Variants in ADCY9 observed in about 807,000 individuals in gnomAD.
The protein encoded by ADCY9 is adenylate cyclase type 9.
Under a neutral mutation model 101.5 loss-of-function variants are expected in ADCY9, and 50 were observed. That is an observed-to-expected ratio of 0.49 (90% confidence interval 0.39 to 0.62). The LOEUF is 0.62. Ranked by LOEUF, ADCY9 falls within the 20% of genes least tolerant of loss-of-function variation. The pLI, the probability that ADCY9 is intolerant of heterozygous loss-of-function variation, is 0.00. For synonymous variants in ADCY9, 905 were observed against 769.3 expected (o/e 1.18, Z -2.92); for missense variants, 1,662 against 1,800.4 (o/e 0.92, Z 1.39).
At chr16:4,066,629 C>T (rs563167619) in intron 2 of ADCY9, among the ~76,000 whole-genome samples, 2 of 152,182 alleles carry the variant, frequency 1.3e-5, no homozygotes, top group South Asian at 4.1e-4. Flanking sequence ...AGGTGATCCT[C>T]CCGCCTCAGC....
At chr16:3,981,913 C>G (rs1019758436) in intron 7 of ADCY9, 5 of 152,320 alleles carry the variant, frequency 3.3e-5, no homozygotes, top group East Asian at 1.9e-4. Context: ...TAAAGCTGAT[C>G]TTTTTAAAGA....
chr16:3,974,620 T>TA, intron 10 of ADCY9, 49 bp downstream of exon 10: 1 of 1,522,230 alleles, frequency 6.6e-7, no homozygotes, highest in Non-Finnish European at 9.1e-7. Flanking sequence ...GGCAGGGTAA[T>TA]ACAGTCACTC....
rs1400222331 is a variant in ADCY9 at position 4,114,743 on chromosome 16, G to A, written c.700C>T (p.Leu234Phe). Residue 234 changes from leucine (L) to phenylalanine (F), a missense_variant, in exon 2 of 11, where the codon CTC (leucine) becomes TTC (phenylalanine). Coordinates refer to ENST00000294016, the MANE Select transcript of ADCY9 (RefSeq NM_001116.4). The surrounding 1 kb of genome is among the most constrained non-coding windows in gnomAD (Gnocchi z 4.3). ...AAAGGTAAGTGCATGACGGTATAGA[G>A]CAAAAAGAGCACTTCGATGCACATG... ...FSMCIEVLFLLYTVMHLPLYL... is the reference protein window; with the variant it reads ...FSMCIEVLFLFYTVMHLPLYL... 6.2e-7 allele frequency: 1 copy of A among 1,613,160 alleles called. No individual in the cohort carries two copies. Among genetic ancestry groups the A allele is most frequent in the Non-Finnish European group, 8.5e-7 (1 of 1,180,034 alleles).
At chr16:3,961,294 C>T (rs1299031413), downstream of ADCY9, among the ~76,000 whole-genome samples, 3 of 151,816 alleles carry the variant, frequency 2.0e-5, no homozygotes, top group Admixed American at 6.6e-5. Flanking sequence ...CAAAAAAATA[C>T]AAAAATTAGC....
intron 2 of ADCY9, among the ~76,000 whole-genome samples, chr16:4,026,364 CAGTG>C (rs2056515011): frequency 1.4e-5 from 2 of 139,974 alleles, no homozygotes; most frequent in South Asian, 4.4e-4. Flanking sequence ...GCGGACATTG[CAGTG>C]AGCTGAGATC....
chr16:4,053,052 C>T (rs964003615), intron 2 of ADCY9, among the ~76,000 whole-genome samples: 1 of 152,156 alleles, frequency 6.6e-6, no homozygotes, highest in South Asian at 2.1e-4. Context: ...ACATGCGTGG[C>T]ATAGTTTTAA....
At position 4,097,553 on chromosome 16, in the gene ADCY9, A is replaced by ATATATAT. The variant is rs1382458827; in HGVS notation, c.1693+16196_1693+16197insATATATA. Among the ~76,000 whole-genome samples the ATATATAT allele has an allele frequency of 2.8e-4, 15 of 53,404 alleles. 1 individual carries two copies. Among genetic ancestry groups the ATATATAT allele is most frequent in the African/African-American group, 9.5e-4 (11 of 11,588 alleles). The allele number at this position is 53,404 out of a possible 152,430, so 35.0% of individuals were successfully genotyped here. A position where few individuals can be genotyped will look rare whatever the true frequency, so the allele number is the denominator to read the frequency against. ...CATATATATATATATATATATATAT[A>ATATATAT]TTTTTTTTTTTTTTTTTTAAGACAG... On this transcript the variant is annotated intron_variant, in intron 2 of 10. Coordinates refer to ENST00000294016, the MANE Select transcript of ADCY9 (RefSeq NM_001116.4).
chr16:3,989,659 G>A (rs564718488), intron 5 of ADCY9, among the ~76,000 whole-genome samples: 6 of 152,324 alleles, frequency 3.9e-5, no homozygotes, highest in Admixed American at 1.3e-4. Flanking sequence ...GGATGACAGC[G>A]TGAGCTGCTG....
chr16:4,004,964 G>A (rs1422665017), intron 3 of ADCY9, among the ~76,000 whole-genome samples: 1 of 152,114 alleles, frequency 6.6e-6, no homozygotes, highest in Non-Finnish European at 1.5e-5. Context: ...TTTCTCTAAT[G>A]TATTGGTCCT....
At chr16:4,097,292 C>T (rs1320240887) in intron 2 of ADCY9, among the ~76,000 whole-genome samples, 1 of 151,592 alleles carries the variant, frequency 6.6e-6, no homozygotes, top group Non-Finnish European at 1.5e-5. Context: ...TCGGCCACCA[C>T]CTTTGCTAGA....
intron 3 of ADCY9, among the ~76,000 whole-genome samples, chr16:4,003,563 C>CTTTTTTTTTTTT (rs34344577): frequency 8.0e-6 from 1 of 124,488 alleles, no homozygotes; most frequent in Non-Finnish European, 1.7e-5. Flanking sequence ...TCTTTCTTTT[C>CTTTTTTTTTTTT]TTTTTTTTTT....
intron 2 of ADCY9, among the ~76,000 whole-genome samples, chr16:4,101,007 C>T (rs76208918): frequency 0.014 from 2,174 of 152,332 alleles, 25 homozygotes; most frequent in Non-Finnish European, 0.022. Context: ...TAGCTCTTCT[C>T]TACTGACAGG....
At chr16:4,052,860 C>T (rs575555384) in intron 2 of ADCY9, among the ~76,000 whole-genome samples, 27 of 152,318 alleles carry the variant, frequency 1.8e-4, no homozygotes, top group Admixed American at 1.2e-3. Flanking sequence ...CCGTTTCAGC[C>T]GAACGCATCT....
intron 2 of ADCY9, among the ~76,000 whole-genome samples, chr16:4,111,036 G>C (rs2057110615): frequency 1.3e-5 from 2 of 152,186 alleles, no homozygotes; most frequent in African/African-American, 4.8e-5. Context: ...TCAGTGCCAG[G>C]GGCACGACAC....
intron 2 of ADCY9, among the ~76,000 whole-genome samples, chr16:4,050,901 G>A (rs1224378783): frequency 6.6e-6 from 1 of 151,954 alleles, no homozygotes. Flanking sequence ...GAAAGTTCCG[G>A]GTGAGCCTAG....
chr16:4,113,763 A>T lies in ADCY9; in HGVS notation c.1680T>A (p.Ala560=), dbSNP rs755010198. 5 of 1,612,590 alleles carry T rather than the reference A, an allele frequency of 3.1e-6. No homozygotes were observed. In the South Asian group the frequency reaches 4.4e-5, roughly 14 times the overall value. Residue 560 remains alanine (A), a synonymous_variant, in exon 2 of 11, where the codon GCT becomes GCA. Coordinates refer to ENST00000294016, the MANE Select transcript of ADCY9 (RefSeq NM_001116.4). ...VIERLGQSVV[A]DQLKGLKTYL... ...CAGTGCACATACCTTTCAACTGGTC[A>T]GCAACCACGCTCTGGCCCAGCCGTT...
Position 4,097,363 on chromosome 16 carries a change from G to A in ADCY9, c.1693+16387C>T, listed in dbSNP as rs529826250. Among the ~76,000 whole-genome samples the A allele has an allele frequency of 1.1e-4, 16 of 150,296 alleles. No homozygotes were observed. In the East Asian group the frequency reaches 2.9e-3, roughly 28 times the overall value. Reference sequence around the variant, plus strand: ...ACCACTCAGTCATTCCAGCAAAGCGGTTACTGCCTTTCCTCTACCTGGAGG... The same window carrying A: ...ACCACTCAGTCATTCCAGCAAAGCGATTACTGCCTTTCCTCTACCTGGAGG... On this transcript the variant is annotated intron_variant, in intron 2 of 10. Coordinates refer to ENST00000294016, the MANE Select transcript of ADCY9 (RefSeq NM_001116.4).
chr16:4,006,791 T>A (rs990767739), intron 3 of ADCY9, among the ~76,000 whole-genome samples: 7 of 152,184 alleles, frequency 4.6e-5, no homozygotes, highest in African/African-American at 1.7e-4. Flanking sequence ...CCCTGGTAGT[T>A]TATGATGACA....
At chr16:4,076,244 C>T (rs189517456) in intron 2 of ADCY9, among the ~76,000 whole-genome samples, 22 of 152,312 alleles carry the variant, frequency 1.4e-4, no homozygotes, top group African/African-American at 4.8e-4. Flanking sequence ...TGCCCAATTT[C>T]TCAGGTTTAT....
Sources: gnomAD v4.1 joint callset for allele counts (sites outside exome capture counted in the v4.1 genomes callset) on GRCh38, gnomAD v4.1.1 for gene constraint, Gnocchi (gnomAD v3.1) non-coding constraint, MANE v1.5 for transcripts, NCBI Gene and HGNC (gene_info 2026-07-23, HGNC 2026-07-21) for gene names.